ZNF219: variants seen among roughly 807,000 people sequenced by gnomAD.
ZNF219 encodes the protein zinc finger protein 219.
In ZNF219, 17 loss-of-function variants were observed where a neutral mutation model predicts 54.4. That is an observed-to-expected ratio of 0.31 (90% CI 0.21 to 0.47). The LOEUF is 0.47. ZNF219 is among the 20% of genes least tolerant of loss of function. ZNF219 has a pLI of 1.00. For missense variants in ZNF219, 1,014 were observed against 1,062.3 expected (o/e 0.95, Z 0.63); for synonymous variants, 518 against 476.4 (o/e 1.09, Z -1.14).
chr14:21,099,067 T>C, upstream of ZNF219: 1 of 289,918 alleles, frequency 3.4e-6, no homozygotes, highest in South Asian at 2.7e-5. Context: ...CTCAAGTCAC[T>C]TTAATGGCTC....
Position 21,090,475 on chromosome 14 carries a change from C to T in ZNF219, c.*61G>A. 2 of 1,526,412 alleles carry T rather than the reference C, an allele frequency of 1.3e-6. No individual in the cohort carries two copies. The highest frequency in any genetic ancestry group is 1.8e-6 in the Non-Finnish European group (2 of 1,134,334). The allele number at this position is 1,526,412 out of a possible 1,614,324, so 94.6% of individuals were successfully genotyped here. On this transcript the variant is annotated 3_prime_UTR_variant, in exon 5 of 5. Transcript: ENST00000360947. This position sits in a 1 kb window ranked among gnomAD's most constrained non-coding sequence, Gnocchi z 4.4. The stretch of plus-strand genomic sequence containing the variant: ...CCTGCTGGCTTCTCTACCCAACTAC[C>T]TCTAGCGCTCCCCCGCTCCGGCGGG...
In ZNF219 at chr14:21,090,676, G is replaced by A. The variant is rs1156340731; in HGVS notation, c.2029C>T (p.Arg677Trp). 9 of 1,611,946 alleles carry A rather than the reference G, an allele frequency of 5.6e-6. No individual in the cohort carries two copies. The highest frequency in any genetic ancestry group is 4.4e-5 in the South Asian group (4 of 90,984). Residue 677 changes from arginine (R) to tryptophan (W), a missense_variant, in exon 5 of 5, where the codon CGG becomes TGG. Arg to Trp is a moderately radical substitution (Grantham distance 101, BLOSUM62 -3). Around this residue, in one of 5 missense-constraint regions of ZNF219, gnomAD observed 281 missense variants for 271.2 expected, o/e 1.04. Coordinates refer to ENST00000360947, the MANE Select transcript of ZNF219 (RefSeq NM_016423.3). This position sits in a 1 kb window ranked among gnomAD's most constrained non-coding sequence, Gnocchi z 4.4. ...GGGGACGCGTCAGCCTGGGGTGGCCGGCGGCCCCTAGCCCGGCGGCTGTGG... is the reference window on the plus strand; with the variant it reads ...GGGGACGCGTCAGCCTGGGGTGGCCAGCGGCCCCTAGCCCGGCGGCTGTGG... The part of the protein sequence containing the change: ...VHHSRRARGR[R>W]PPQADASPPY...
chr14:21,093,473 C>T (rs1889097469), intron 2 of ZNF219, 113 bp downstream of exon 2: 2 of 1,460,520 alleles, frequency 1.4e-6, no homozygotes, highest in East Asian at 2.3e-5. Context: ...ATCGAGATGT[C>T]AGGGCCAAGG....
In ZNF219 at chr14:21,091,036, C is replaced by T. The variant is rs186070988; in HGVS notation, c.1669G>A (p.Gly557Ser). ...RHHREQRSGA[G>S]PGPPPEPPPP... ...GGTGGCTCCGGGGGTGGCCCGGGGCCGGCCCCGCTCCTCTGCTCCCGGTGG... is the reference window on the plus strand; with the variant it reads ...GGTGGCTCCGGGGGTGGCCCGGGGCTGGCCCCGCTCCTCTGCTCCCGGTGG... Residue 557 changes from glycine to serine, a missense_variant, in exon 5 of 5, where the codon GGC becomes AGC. By Grantham distance (56) the Gly-to-Ser change is moderately conservative. This residue lies in a region of ZNF219 where 281 missense variants were observed against 271.2 expected (regional missense o/e 1.04). Transcript: ENST00000360947. 819 of 1,553,906 alleles carry T rather than the reference C, an allele frequency of 5.3e-4. No homozygotes were observed. Among genetic ancestry groups the T allele is most frequent in the Non-Finnish European group, 6.9e-4 (796 of 1,156,070 alleles).
upstream of ZNF219, chr14:21,102,907 C>T: frequency 7.1e-7 from 1 of 1,408,696 alleles, no homozygotes; most frequent in Non-Finnish European, 9.4e-7. Flanking sequence ...TAGAATGAAA[C>T]TGATTGGCTT....
intron 1 of ZNF219, chr14:21,094,547 C>T (rs1013736342): frequency 6.8e-6 from 2 of 294,952 alleles, no homozygotes; most frequent in African/African-American, 4.8e-5. Flanking sequence ...GCTCTGAGCT[C>T]AAGAGGCTGG....
upstream of ZNF219, chr14:21,101,310 T>G (rs1318927025): frequency 1.9e-6 from 3 of 1,547,064 alleles, no homozygotes; most frequent in Admixed American, 3.9e-5. Flanking sequence ...TTTCCCAGCC[T>G]AGGAAGCACC....
upstream of ZNF219, chr14:21,103,380 T>C: frequency 7.0e-7 from 1 of 1,426,692 alleles, no homozygotes; most frequent in Non-Finnish European, 9.2e-7. Context: ...AGGCCCTTTT[T>C]TCGTTCCTTC....
In ZNF219 at chr14:21,090,307, C is replaced by T. The variant is rs1888722757; in HGVS notation, c.*229G>A. Reference sequence around the variant, plus strand: ...ACCTTCTCTGCCAGCCCAGGGACCCCGTTCTTTGACCCTCACCTCTGCCAC... The same window carrying T: ...ACCTTCTCTGCCAGCCCAGGGACCCTGTTCTTTGACCCTCACCTCTGCCAC... On this transcript the variant is annotated 3_prime_UTR_variant, in exon 5 of 5. Coordinates refer to ENST00000360947, the MANE Select transcript of ZNF219 (RefSeq NM_016423.3). This position sits in a 1 kb window ranked among gnomAD's most constrained non-coding sequence, Gnocchi z 4.4. 8 of 711,284 alleles carry T rather than the reference C, an allele frequency of 1.1e-5. No individual in the cohort carries two copies. The highest frequency in any genetic ancestry group is 2.7e-5 in the East Asian group (1 of 37,000). The allele number at this position is 711,284 out of a possible 1,614,324, so 44.1% of individuals were successfully genotyped here.
chr14:21,102,781 T>C (rs1371304497), upstream of ZNF219: 5 of 1,548,052 alleles, frequency 3.2e-6, no homozygotes, highest in Admixed American at 2.0e-5. Flanking sequence ...CTGCAGGAGG[T>C]ATGGGGGCAG....
At chr14:21,103,292 C>G (rs1229410081), upstream of ZNF219, 3 of 1,538,774 alleles carry the variant, frequency 1.9e-6, no homozygotes, top group African/African-American at 2.8e-5. Flanking sequence ...GCATCCCACC[C>G]CACCAAACTC....
Position 21,092,048 on chromosome 14 carries a change from G to C in ZNF219, c.1249C>G (p.Arg417Gly). The C allele has an allele frequency of 2.6e-6, 4 of 1,545,806 alleles. No homozygotes were observed. The highest frequency in any genetic ancestry group is 3.5e-6 in the Non-Finnish European group (4 of 1,145,360). Residue 417 changes from arginine to glycine, a missense_variant, in exon 3 of 5, where the codon CGG becomes GGG. Physicochemically the swap from Arg to Gly is moderately radical, Grantham distance 125. Coordinates refer to ENST00000360947, the MANE Select transcript of ZNF219 (RefSeq NM_016423.3). ...TCCTCCGCACGGTGCCGGCGAGCCC[G>C]GGCCGGGAGAGCAGAGGACAGCGGG... ...FRPLSSALPA[R>G]ARRHRAEEPE...
upstream of ZNF219, chr14:21,102,882 G>A (rs1566558610): frequency 6.9e-7 from 1 of 1,457,732 alleles, no homozygotes; most frequent in East Asian, 2.5e-5. Flanking sequence ...GGGCAGGAGA[G>A]AAAAGAAGAG....
chr14:21,098,173 CT>C (rs1889395185), intron 1 of ZNF219, 138 bp downstream of exon 1: 1 of 149,524 alleles, frequency 6.7e-6, no homozygotes, highest in East Asian at 2.0e-4. Flanking sequence ...GCCGGCGCCC[CT>C]CCCCCGCCCC....
In ZNF219 at chr14:21,098,603, C is replaced by T. The variant is rs977522223; in HGVS notation, c.-375G>A. 3 of 1,019,762 alleles carry T rather than the reference C, an allele frequency of 2.9e-6. No individual in the cohort carries two copies. The highest frequency in any genetic ancestry group is 6.0e-5 in the Admixed American group (1 of 16,546). 63.2% of individuals were successfully genotyped at this position (1,019,762 alleles called of 1,614,324 possible). A position where few individuals can be genotyped will look rare whatever the true frequency, so the allele number is the denominator to read the frequency against. ...CTCCGGGGACAGGGAGCTGGGGACCCCGGGAGCCGCGAGAGGCGGCCGCCA... is the reference window on the plus strand; with the variant it reads ...CTCCGGGGACAGGGAGCTGGGGACCTCGGGAGCCGCGAGAGGCGGCCGCCA... On this transcript the variant is annotated 5_prime_UTR_variant, in exon 1 of 5. Transcript: ENST00000360947.
rs1218563668 is a variant in ZNF219, at chr14:21,091,454, G to A, written c.1521C>T (p.Phe507=). The change falls in exon 4 of 5, where the codon TTC becomes TTT. Residue 507 remains phenylalanine, a synonymous_variant. Coordinates refer to ENST00000360947, the MANE Select transcript of ZNF219 (RefSeq NM_016423.3). The part of the protein sequence containing the change: ...GKDCPFCGKS[F]RSAHHLKVHL... The stretch of plus-strand genomic sequence containing the variant: ...GCACTTTGAGGTGATGTGCTGAGCG[G>A]AAAGATTTTCCGCAGAAAGGACAAT... 3.1e-6 allele frequency: 5 copies of A among 1,609,270 alleles called. No individual in the cohort carries two copies. The African/African-American group carries it at 6.7e-5, about 21-fold the overall frequency.
Position 21,091,061 on chromosome 14 carries a change from G to A in ZNF219, c.1644C>T (p.His548=). The A allele has an allele frequency of 6.4e-7, 1 of 1,564,606 alleles. No individual in the cohort carries two copies. The change falls in exon 5 of 5, where the codon CAC becomes CAT. Residue 548 remains histidine, a synonymous_variant. Transcript: ENST00000360947. ...CGGCCCCGCTCCTCTGCTCCCGGTG[G>A]TGGCGCTGTAGGTGATACTTGAGCG... ...SGSLKYHLQR[H]HREQRSGAGP... is the part of the protein sequence containing the mutation.
upstream of ZNF219, chr14:21,101,349 A>G (rs1361918577): frequency 1.3e-6 from 2 of 1,551,508 alleles, no homozygotes; most frequent in Middle Eastern, 1.7e-4. Context: ...GAGCCATGGA[A>G]GATAGAGCTG....
chr14:21,102,593 G>A (rs1193058712), upstream of ZNF219: 1 of 1,551,154 alleles, frequency 6.4e-7, no homozygotes, highest in South Asian at 1.2e-5. Flanking sequence ...GGGGCAAACA[G>A]GTGCGGGGTC....
Sources: gnomAD v4.1 joint callset for allele counts on GRCh38, gnomAD v4.1.1 for gene constraint, gnomAD v4.1.1 regional missense constraint, Gnocchi (gnomAD v3.1) non-coding constraint, MANE v1.5 for transcripts, NCBI Gene and HGNC (gene_info 2026-07-23, HGNC 2026-07-21) for gene names.